The following MACC1 variants were observed in gnomAD, a reference collection of about 807,000 sequenced individuals.
MACC1 encodes the protein metastasis-associated in colon cancer protein 1.
MACC1 carries 79 observed loss-of-function variants against 70.7 expected under a neutral mutation model. The observed-to-expected ratio is 1.12, with a 90% CI of 0.93 to 1.35. The LOEUF (loss-of-function observed/expected upper bound fraction) is 1.35. Among genes scored for constraint, MACC1 ranks in the 40% most tolerant of loss-of-function variants. MACC1 has a pLI of 0.00. For synonymous variants in MACC1, 361 were observed against 347.2 expected, an observed-to-expected ratio of 1.04 and a Z score of -0.44; for missense variants, 1,106 against 978.1, an observed-to-expected ratio of 1.13 and a Z score of -1.74.
chr7:20,186,607 T>C (rs1004111097), intron 1 of MACC1, among the ~76,000 whole-genome samples: 21 of 152,016 alleles, frequency 1.4e-4, no homozygotes, highest in African/African-American at 3.1e-4. Context: ...TGTGACAATT[T>C]ATATAAATAA....
At chr7:20,196,835 G>A (rs1023167739) in intron 1 of MACC1, among the ~76,000 whole-genome samples, 1 of 152,104 alleles carries the variant, frequency 6.6e-6, no homozygotes, top group African/African-American at 2.4e-5. Context: ...TCCTTTGGCT[G>A]AAAGGTAAAA....
At position 20,161,764 on chromosome 7, in the gene MACC1, T is replaced by G; in HGVS notation, c.99A>C (p.Lys33Asn). The change falls in exon 4 of 7, where the codon AAA becomes AAC. Residue 33 changes from lysine to asparagine, a missense_variant. Transcript: ENST00000400331. ...TTCCCATACCTGTAATATTGCAACT[T>G]TTTGAGAGTTTTCCAGCTTCCATGT... ...LIDMEAGKLS[K>N]SCNITECQDP... 6.2e-7 allele frequency: 1 copy of G among 1,610,662 alleles called. No homozygotes were observed. Among genetic ancestry groups the G allele is most frequent in the Non-Finnish European group, 8.5e-7 (1 of 1,177,256 alleles).
At chr7:20,186,793 C>G (rs879075776) in intron 1 of MACC1, among the ~76,000 whole-genome samples, 1 of 152,052 alleles carries the variant, frequency 6.6e-6, no homozygotes, top group African/African-American at 2.4e-5. Flanking sequence ...GTATAAATAA[C>G]CTGTAATGTA....
Position 20,160,254 on chromosome 7 carries a change from T to C in MACC1, c.116-9A>G, listed in dbSNP as rs1296021302. 1 of 1,534,304 alleles carries C rather than the reference T, an allele frequency of 6.5e-7. No individual in the cohort carries two copies. ...GTCTGGGTCCTGGCATTCTTGTTATTTAAGGAAAGACAAAGCAAAACAAAG... is the reference window on the plus strand; with the variant it reads ...GTCTGGGTCCTGGCATTCTTGTTATCTAAGGAAAGACAAAGCAAAACAAAG... On this transcript the variant is annotated splice_polypyrimidine_tract_variant and intron_variant, in intron 4 of 6. Coordinates refer to ENST00000400331, the MANE Select transcript of MACC1 (RefSeq NM_182762.4).
intron 1 of MACC1, among the ~76,000 whole-genome samples, chr7:20,211,002 T>C (rs189041952): frequency 1.7e-4 from 26 of 152,336 alleles, no homozygotes; most frequent in Admixed American, 6.5e-4. Flanking sequence ...ATAGCACTTA[T>C]TTGAGATCTG....
In MACC1 at chr7:20,138,641, C is replaced by T. The variant is rs1484005627; in HGVS notation, c.*2305G>A. On this transcript the variant is annotated 3_prime_UTR_variant, in exon 7 of 7. Coordinates refer to ENST00000400331, the MANE Select transcript of MACC1 (RefSeq NM_182762.4). ...CATAATTATTTGGTCAGGCTGTGTTCCCTTATAATCAAATATAAATACTGA... is the reference window on the plus strand; with the variant it reads ...CATAATTATTTGGTCAGGCTGTGTTTCCTTATAATCAAATATAAATACTGA... 6.6e-6 allele frequency: 1 copy of T among 151,696 alleles called. No individual in the cohort carries two copies. The highest frequency in any genetic ancestry group is 1.5e-5 in the Non-Finnish European group (1 of 67,956). 9.4% of individuals were successfully genotyped at this position (151,696 alleles called of 1,614,324 possible).
chr7:20,189,071 C>T (rs533566726), intron 1 of MACC1, among the ~76,000 whole-genome samples: 88 of 152,268 alleles, frequency 5.8e-4, no homozygotes, highest in African/African-American at 2.1e-3. Context: ...TTGCTGTCTT[C>T]TCTGCCAAAA....
Position 20,159,438 on chromosome 7 carries a change from A to G in MACC1, c.923T>C (p.Met308Thr), listed in dbSNP as rs1345229245. The change falls in exon 5 of 7, where the codon ATG becomes ACG. Residue 308 changes from methionine (M) to threonine (T), a missense_variant. Transcript: ENST00000400331. Reference sequence around the variant, plus strand: ...TTTACCCAAGCTGTGTAAACACACCATTTCTGTCATGACTTGGCTGAAAGG... The same window carrying G: ...TTTACCCAAGCTGTGTAAACACACCGTTTCTGTCATGACTTGGCTGAAAGG... ...KDPFSQVMTE[M>T]VCLHSLGKEG... is the part of the protein sequence containing the mutation. The G allele has an allele frequency of 3.1e-6, 5 of 1,614,034 alleles. No individual in the cohort carries two copies. In the South Asian group the frequency reaches 5.5e-5, roughly 18 times the overall value.
chr7:20,154,104 G>A (rs1782020183), intron 6 of MACC1, 89 bp downstream of exon 6: 2 of 1,336,178 alleles, frequency 1.5e-6, no homozygotes, highest in South Asian at 1.3e-5. Context: ...TTCCCCCAGT[G>A]AATCCGTGAA....
intron 5 of MACC1, among the ~76,000 whole-genome samples, chr7:20,157,446 T>C (rs1195549105): frequency 6.6e-6 from 1 of 151,804 alleles, no homozygotes; most frequent in Non-Finnish European, 1.5e-5. Flanking sequence ...ATGCATTGTA[T>C]ACATAAGAAT....
chr7:20,207,222 C>T (rs1293509137), intron 1 of MACC1, among the ~76,000 whole-genome samples: 1 of 151,948 alleles, frequency 6.6e-6, no homozygotes, highest in African/African-American at 2.4e-5. Flanking sequence ...CTCACTGCAA[C>T]CTCCGCCTCC....
At chr7:20,153,694 T>C (rs1042579493) in intron 6 of MACC1, among the ~76,000 whole-genome samples, 2 of 152,212 alleles carry the variant, frequency 1.3e-5, no homozygotes, top group Admixed American at 1.3e-4. Flanking sequence ...GTGAAGGAGA[T>C]AATGAAGCTC....
At chr7:20,147,409 TCTC>T (rs1397381422) in intron 6 of MACC1, 2 of 152,170 alleles carry the variant, frequency 1.3e-5, no homozygotes, top group African/African-American at 4.8e-5. Context: ...TCCACTTACT[TCTC>T]CTATAAACTT....
At chr7:20,206,905 A>C (rs1782917376) in intron 1 of MACC1, among the ~76,000 whole-genome samples, 1 of 152,196 alleles carries the variant, frequency 6.6e-6, no homozygotes, top group African/African-American at 2.4e-5. Context: ...CCGGCCCCCC[A>C]GTCACTGTTG....
chr7:20,160,407 T>C (rs1782124865), intron 4 of MACC1, among the ~76,000 whole-genome samples, 162 bp from the exon 5 acceptor site: 1 of 152,138 alleles, frequency 6.6e-6, no homozygotes, highest in Non-Finnish European at 1.5e-5. Flanking sequence ...TTAAATTTGC[T>C]CAAATTTATA....
At chr7:20,141,884 G>C (rs1484937990) in intron 6 of MACC1, 1 of 151,506 alleles carries the variant, frequency 6.6e-6, no homozygotes. Flanking sequence ...CAGGCTAGAG[G>C]GAGAATAGAG....
rs143442111 is a variant in MACC1 at position 20,174,091 on chromosome 7, A to G, written c.-217-3313T>C. 3.2e-4 allele frequency among the ~76,000 whole-genome samples: 48 copies of G among 152,346 alleles called. 3 individuals are homozygous for G. Among genetic ancestry groups the G allele is most frequent in the African/African-American group, 1.1e-3 (44 of 41,594 alleles). Reference sequence around the variant, plus strand: ...CTGATGATCTGAGGTTGCCTGAATCACAGGGACTTTCTCAATCCTCTTTGG... The same window carrying G: ...CTGATGATCTGAGGTTGCCTGAATCGCAGGGACTTTCTCAATCCTCTTTGG... On this transcript the variant is annotated intron_variant, in intron 1 of 6. Coordinates refer to ENST00000400331, the MANE Select transcript of MACC1 (RefSeq NM_182762.4).
In MACC1 at chr7:20,158,217, T is replaced by C; in HGVS notation, c.2144A>G (p.Tyr715Cys). Reference sequence around the variant, plus strand: ...AGCAATACTCACCACAATAAGTTCATACAGAAACTTCCTTGTATTTCTCTC... The same window carrying C: ...AGCAATACTCACCACAATAAGTTCACACAGAAACTTCCTTGTATTTCTCTC... Reference protein sequence around the residue: ...HTERNTRKFLYELIVALLKMD... With the variant: ...HTERNTRKFLCELIVALLKMD... Residue 715 changes from tyrosine (Y) to cysteine (C), a missense_variant, in exon 5 of 7, where the codon TAT becomes TGT. Physicochemically the swap from Tyr to Cys is radical, Grantham distance 194 (BLOSUM62 -2). Transcript: ENST00000400331. 2.5e-6 allele frequency: 4 copies of C among 1,578,012 alleles called. No homozygotes were observed. Among genetic ancestry groups the C allele is most frequent in the African/African-American group, 1.4e-5 (1 of 73,246 alleles).
chr7:20,168,604 T>C (rs368707900), intron 2 of MACC1, among the ~76,000 whole-genome samples: 13 of 152,118 alleles, frequency 8.5e-5, no homozygotes, highest in African/African-American at 3.1e-4. Flanking sequence ...CAACAGTAAA[T>C]CTCTTTAATG....
Sources: allele counts gnomAD v4.1 joint callset (sites outside exome capture counted in the v4.1 genomes callset), GRCh38; gene constraint gnomAD v4.1.1; transcripts MANE v1.5; gene names NCBI Gene and HGNC (gene_info 2026-07-23, HGNC 2026-07-21).